ALDH3A1: variants seen among roughly 807,000 people sequenced by gnomAD.
ALDH3A1 encodes the protein aldehyde dehydrogenase, dimeric NADP-preferring.
In ALDH3A1, 46 loss-of-function variants were observed where a neutral mutation model predicts 49.9. That is an observed-to-expected ratio of 0.92 (90% CI 0.73 to 1.18). The LOEUF (loss-of-function observed/expected upper bound fraction) is 1.18. Among genes scored for constraint, ALDH3A1 ranks in the 50% most tolerant of loss-of-function variants. ALDH3A1 has a pLI of 0.00. For synonymous variants in ALDH3A1, 269 were observed against 253.3 expected (o/e 1.06, Z -0.59); for missense variants, 592 against 611.8 (o/e 0.97, Z 0.34).
intron 4 of ALDH3A1, 45 bp from the exon 5 acceptor site, chr17:19,742,257 C>T: frequency 1.3e-6 from 2 of 1,590,022 alleles, no homozygotes; most frequent in South Asian, 1.1e-5. Flanking sequence ...GACCAAGCCC[C>T]TCCTCGCTCT....
At chr17:19,746,960 G>C (rs766168405) in intron 1 of ALDH3A1, among the ~76,000 whole-genome samples, 1 of 152,040 alleles carries the variant, frequency 6.6e-6, no homozygotes, top group Admixed American at 6.5e-5. Flanking sequence ...AAGGGGCACA[G>C]AAAAAAGTCT....
At position 19,744,589 on chromosome 17, in the gene ALDH3A1, G is replaced by A. The variant is rs182086116; in HGVS notation, c.162+379C>T. ...AGCCCCTGTGAGAACTGGGAGGGAG[G>A]GGAGAGCCCCCCATGCCCTCCGGGG... On this transcript the variant is annotated intron_variant, in intron 2 of 10. Coordinates refer to ENST00000225740, the MANE Select transcript of ALDH3A1 (RefSeq NM_000691.5). 1.8e-5 allele frequency: 18 copies of A among 985,400 alleles called. No individual in the cohort carries two copies. The East Asian group carries it at 1.0e-3, about 56-fold the overall frequency. 61.0% of individuals were successfully genotyped at this position (985,400 alleles called of 1,614,324 possible). A position where few individuals can be genotyped will look rare whatever the true frequency, so the allele number is the denominator to read the frequency against.
rs761055890 is a variant in ALDH3A1 at position 19,745,120 on chromosome 17, T to A, written c.10A>T (p.Ile4Phe). 2.2e-5 allele frequency: 35 copies of A among 1,578,750 alleles called. No homozygotes were observed. The East Asian group carries it at 7.9e-4, about 36-fold the overall frequency. The change falls in exon 2 of 11, where the codon ATC becomes TTC. Residue 4 changes from isoleucine (I) to phenylalanine (F), a missense_variant. Ile to Phe is a conservative substitution (Grantham distance 21). Coordinates refer to ENST00000225740, the MANE Select transcript of ALDH3A1 (RefSeq NM_000691.5). ...CGGGCGCGCTTCACGGCCTCGCTGA[T>A]CTTGCTCATGGCGCCTGGGGACAGA... MSK[I>F]SEAVKRARAA... is the part of the protein sequence containing the mutation.
chr17:19,740,062 G>T, intron 7 of ALDH3A1: 1 of 483,400 alleles, frequency 2.1e-6, no homozygotes. Flanking sequence ...GGGCTCCTGT[G>T]GCTTCTGCTG....
intron 1 of ALDH3A1, among the ~76,000 whole-genome samples, chr17:19,746,654 CAT>C (rs1491525782): frequency 6.0e-5 from 8 of 133,758 alleles, no homozygotes; most frequent in Non-Finnish European, 7.8e-5. Context: ...CGTGTGTGTG[CAT>C]GTGTGTGTGT....
chr17:19,744,711 G>C, intron 2 of ALDH3A1: 2 of 1,348,918 alleles, frequency 1.5e-6, no homozygotes. Flanking sequence ...CGGGGCAGCA[G>C]GAAGTTGAAA....
At position 19,748,169 on chromosome 17, in the gene ALDH3A1, T is replaced by C. The variant is rs2072327; in HGVS notation, c.-6+90A>G. Reference sequence around the variant, plus strand: ...AGGCAGGGACCCCCTGGAGAGATGATGTAGGACTCTTGACACTTAGGGCCC... The same window carrying C: ...AGGCAGGGACCCCCTGGAGAGATGACGTAGGACTCTTGACACTTAGGGCCC... On this transcript the variant is annotated intron_variant, in intron 1 of 10. Coordinates refer to ENST00000225740, the MANE Select transcript of ALDH3A1 (RefSeq NM_000691.5). The surrounding 1 kb of genome is among the most constrained non-coding windows in gnomAD (Gnocchi z 4.4). The C allele has an allele frequency of 8.2e-6, 3 of 364,584 alleles. No individual in the cohort carries two copies. In the Admixed American group the frequency reaches 1.0e-4, roughly 12 times the overall value. 22.6% of individuals were successfully genotyped at this position (364,584 alleles called of 1,614,324 possible).
At chr17:19,739,177 C>A in intron 8 of ALDH3A1, 82 bp from the exon 9 acceptor site, 2 of 1,264,782 alleles carry the variant, frequency 1.6e-6, no homozygotes, top group South Asian at 1.3e-5. Context: ...CTGGGTATAG[C>A]CTGGAGCCAC....
intron 3 of ALDH3A1, 104 bp from the exon 4 acceptor site, chr17:19,742,734 G>T: frequency 6.3e-7 from 1 of 1,581,054 alleles, no homozygotes. Context: ...GTGTCCTCGG[G>T]ACAGTGGATG....
chr17:19,740,575 T>C (rs1597666872), intron 6 of ALDH3A1, 98 bp from the exon 7 acceptor site: 2 of 1,385,892 alleles, frequency 1.4e-6, no homozygotes, highest in African/African-American at 1.4e-5. Flanking sequence ...CTTTGGGTGG[T>C]GGGATTCTGG....
chr17:19,738,417 C>CTCT lies in ALDH3A1; in HGVS notation c.1250_1252dup (p.Lys417dup). ...GCGGCGGTGAGAGAAAGTCTCGAAG[C>CTCT]TCTTCTTGCCATGGTAGGATCCCAT... On this transcript the variant is annotated inframe_insertion, in exon 10 of 11. Coordinates refer to ENST00000225740, the MANE Select transcript of ALDH3A1 (RefSeq NM_000691.5). 1.2e-6 allele frequency: 2 copies of CTCT among 1,613,658 alleles called. No homozygotes were observed. Among genetic ancestry groups the CTCT allele is most frequent in the Non-Finnish European group, 1.7e-6 (2 of 1,179,748 alleles).
At chr17:19,742,445 G>T in intron 4 of ALDH3A1, 100 bp downstream of exon 4, 1 of 1,359,282 alleles carries the variant, frequency 7.4e-7, no homozygotes, top group Non-Finnish European at 1.0e-6. Flanking sequence ...CAGTAGCTTG[G>T]CCCCTTGCTG....
At position 19,742,005 on chromosome 17, in the gene ALDH3A1, G is replaced by C. The variant is rs374118874; in HGVS notation, c.688C>G (p.Arg230Gly). 1.9e-5 allele frequency: 30 copies of C among 1,613,668 alleles called. No homozygotes were observed. The highest frequency in any genetic ancestry group is 3.3e-5 in the Admixed American group (2 of 60,008). The change falls in exon 5 of 11, where the codon CGA becomes GGA. Residue 230 changes from arginine (R) to glycine (G), a missense_variant and splice_region_variant. Transcript: ENST00000225740. ...AGCCAGCAGGCCCGTGCCTCTCACC[G>C]GCAGGCCACGTCCAGGTCACAGTTC... ...DKNCDLDVAC[R>G]RIAWGKFMNS...
Position 19,739,676 on chromosome 17 carries a change from T to G in ALDH3A1, c.950-2A>C. On this transcript the variant is annotated splice_acceptor_variant, in intron 7 of 10. Coordinates refer to ENST00000225740, the MANE Select transcript of ALDH3A1 (RefSeq NM_000691.5). LOFTEE classifies it high-confidence loss of function. The stretch of plus-strand genomic sequence containing the variant: ...CCACGTCCGTGAGGATGGTGGGGGC[T>G]GAGGCAGGAAACAAGCCAGAGTTGG... 6.2e-7 allele frequency: 1 copy of G among 1,613,416 alleles called. No homozygotes were observed. Among genetic ancestry groups the G allele is most frequent in the Non-Finnish European group, 8.5e-7 (1 of 1,179,792 alleles).
intron 10 of ALDH3A1, 38 bp downstream of exon 10, chr17:19,738,285 A>AC: frequency 6.2e-7 from 1 of 1,613,906 alleles, no homozygotes. Context: ...CTGGTCCCGC[A>AC]CAGCCCGGTC....
chr17:19,743,317 C>T lies in ALDH3A1; in HGVS notation c.309G>A (p.Glu103=). ...TQQDELYIHS[E]PLGVVLVIGT... ...CAATGACGAGGACCACGCCCAGTGG[C>T]TCCGAGTGGATGTAGAGCTCGTCCT... The change falls in exon 3 of 11, where the codon GAG becomes GAA. Residue 103 remains glutamate, a synonymous_variant. Coordinates refer to ENST00000225740, the MANE Select transcript of ALDH3A1 (RefSeq NM_000691.5). The surrounding 1 kb of genome is among the most constrained non-coding windows in gnomAD (Gnocchi z 4.4). The T allele has an allele frequency of 6.2e-7, 1 of 1,614,186 alleles. No individual in the cohort carries two copies. Among genetic ancestry groups the T allele is most frequent in the Non-Finnish European group, 8.5e-7 (1 of 1,180,038 alleles).
intron 1 of ALDH3A1, among the ~76,000 whole-genome samples, chr17:19,746,663 G>GCA (rs2086602089): frequency 6.8e-6 from 1 of 147,292 alleles, no homozygotes; most frequent in African/African-American, 2.7e-5. Context: ...GCATGTGTGT[G>GCA]TGTGCGTGTG....
intron 8 of ALDH3A1, 57 bp from the exon 9 acceptor site, chr17:19,739,152 C>T (rs1235194410): frequency 2.7e-6 from 4 of 1,488,148 alleles, no homozygotes; most frequent in Non-Finnish European, 3.7e-6. Context: ...GCCCCAGCCC[C>T]CAACCCGACC....
Position 19,740,317 on chromosome 17 carries a change from C to A in ALDH3A1, c.949+19G>T. 1 of 1,611,732 alleles carries A rather than the reference C, an allele frequency of 6.2e-7. No individual in the cohort carries two copies. The highest frequency in any genetic ancestry group is 2.2e-5 in the East Asian group (1 of 44,838). ...CTGCAGCCTGGGCAGGTGGGCTGTG[C>A]TCTTCAGGGGTCACGCACCTATGTA... is the stretch of plus-strand genomic sequence containing the variant. On this transcript the variant is annotated intron_variant, in intron 7 of 10. Transcript: ENST00000225740.
Sources: allele counts gnomAD v4.1 joint callset (sites outside exome capture counted in the v4.1 genomes callset), GRCh38; gene constraint gnomAD v4.1.1; non-coding constraint Gnocchi (gnomAD v3.1); transcripts MANE v1.5; gene names NCBI Gene and HGNC (gene_info 2026-07-23, HGNC 2026-07-21).